Variants in UTY observed in about 807,000 individuals in gnomAD.
UTY encodes the protein ubiquitously transcribed tetratricopeptide repeat containing, Y-linked, also known as histone demethylase UTY.
In UTY, 12 loss-of-function variants were observed where a neutral mutation model predicts 32.5. That is an observed-to-expected ratio of 0.37 (90% CI 0.24 to 0.60). UTY has a LOEUF of 0.60. Ranked by LOEUF, UTY falls within the 20% of genes least tolerant of loss-of-function variation. UTY has a pLI of 0.69. For missense variants in UTY, 303 were observed against 299.2 expected (o/e 1.01, Z -0.09); for synonymous variants, 131 against 103.4 (o/e 1.27, Z -1.62).
chrY:13,327,533 C>A (rs2060335244), intron 18 of UTY, among the ~76,000 whole-genome samples: 1 of 33,175 alleles, frequency 3.0e-5, no homozygotes, highest in Non-Finnish European at 7.5e-5. Flanking sequence ...AGGTCTTATG[C>A]ATTTTTAAGT....
chrY:13,383,852 G>A, intron 8 of UTY, among the ~76,000 whole-genome samples: 3 of 32,796 alleles, frequency 9.1e-5, no homozygotes, highest in Non-Finnish European at 2.2e-4. Context: ...TGTAGCTATT[G>A]ATGCCAATGG....
At chrY:13,313,340 C>G in intron 21 of UTY, among the ~76,000 whole-genome samples, 1 of 33,562 alleles carries the variant, frequency 3.0e-5, no homozygotes, top group Non-Finnish European at 7.4e-5. Flanking sequence ...AAATTCTTAA[C>G]AGAATCTGTT....
intron 28 of UTY, among the ~76,000 whole-genome samples, chrY:13,238,553 C>T: frequency 3.0e-5 from 1 of 33,615 alleles, no homozygotes; most frequent in East Asian, 7.9e-4. Context: ...GACACACTAA[C>T]ACTGGTGCCA....
At chrY:13,463,276 T>C (rs996465776) in intron 3 of UTY, among the ~76,000 whole-genome samples, 1 of 32,998 alleles carries the variant, frequency 3.0e-5, no homozygotes, top group Non-Finnish European at 7.5e-5. Flanking sequence ...TGATGGGCAT[T>C]TGGGTTGGTT....
At chrY:13,344,263 T>A in intron 17 of UTY, among the ~76,000 whole-genome samples, 1 of 34,130 alleles carries the variant, frequency 2.9e-5, no homozygotes, top group Non-Finnish European at 7.3e-5. Context: ...ACCCAGTTCA[T>A]AAAGCAGTTT....
intron 3 of UTY, among the ~76,000 whole-genome samples, chrY:13,467,705 G>A: frequency 3.2e-5 from 1 of 31,291 alleles, no homozygotes; most frequent in South Asian, 7.4e-4. Flanking sequence ...GGTAGGCAGA[G>A]GTTGCAATGA....
At chrY:13,402,837 C>T in intron 6 of UTY, among the ~76,000 whole-genome samples, 1 of 33,621 alleles carries the variant, frequency 3.0e-5, no homozygotes, top group African/African-American at 1.2e-4. Context: ...AAATATGATA[C>T]TAATTTTAAA....
intron 27 of UTY, among the ~76,000 whole-genome samples, chrY:13,283,668 C>T: frequency 6.2e-5 from 2 of 32,485 alleles, no homozygotes; most frequent in African/African-American, 1.2e-4. Context: ...GACCAGTTTC[C>T]GTACATAGAC....
intron 27 of UTY, among the ~76,000 whole-genome samples, chrY:13,269,552 AAAAAC>A (rs768833349): frequency 0.027 from 649 of 24,378 alleles, no homozygotes; most frequent in East Asian, 0.05. Flanking sequence ...TGTGGGCATG[AAAAAC>A]AAAACAAAAC....
intron 17 of UTY, among the ~76,000 whole-genome samples, chrY:13,341,610 T>C (rs749249552): frequency 3.4e-3 from 111 of 32,990 alleles, no homozygotes; most frequent in Non-Finnish European, 6.6e-3. Flanking sequence ...TTAATTAGAC[T>C]GGCAGGAATC....
intron 17 of UTY, among the ~76,000 whole-genome samples, chrY:13,350,236 A>G (rs917672857): frequency 3.0e-5 from 1 of 33,815 alleles, no homozygotes; most frequent in Non-Finnish European, 7.3e-5. Flanking sequence ...AAGAGAGACT[A>G]GACAGAAATG....
intron 6 of UTY, among the ~76,000 whole-genome samples, chrY:13,401,690 A>G (rs2069050664): frequency 3.1e-5 from 1 of 32,440 alleles, no homozygotes; most frequent in Non-Finnish European, 7.5e-5. Context: ...AGCCTGACCA[A>G]TATGGTGAAG....
intron 21 of UTY, among the ~76,000 whole-genome samples, chrY:13,316,021 G>C (rs2059460225): frequency 3.0e-5 from 1 of 33,313 alleles, no homozygotes; most frequent in African/African-American, 1.2e-4. Flanking sequence ...CTGAGGCTGT[G>C]TTATGGGTGT....
At chrY:13,380,644 C>A in intron 8 of UTY, among the ~76,000 whole-genome samples, 1 of 32,641 alleles carries the variant, frequency 3.1e-5, no homozygotes, top group Non-Finnish European at 7.5e-5. Context: ...CACATTTATA[C>A]ATAGCATATC....
At chrY:13,296,225 T>C (rs2058023555) in intron 27 of UTY, among the ~76,000 whole-genome samples, 4 of 34,101 alleles carry the variant, frequency 1.2e-4, no homozygotes, top group Non-Finnish European at 2.2e-4. Context: ...TTCTCTGCAG[T>C]GGTGCAGGAT....
intron 25 of UTY, among the ~76,000 whole-genome samples, chrY:13,299,755 T>A: frequency 8.9e-5 from 3 of 33,715 alleles, no homozygotes; most frequent in African/African-American, 3.5e-4. Context: ...TATCCAAAGA[T>A]CAACTACTAT....
At chrY:13,261,074 C>T in intron 27 of UTY, among the ~76,000 whole-genome samples, 4 of 33,434 alleles carry the variant, frequency 1.2e-4, no homozygotes, top group Non-Finnish European at 7.4e-5. Flanking sequence ...AATTTGCTGT[C>T]ACTGCTCAAA....
chrY:13,282,349 T>C, intron 27 of UTY, among the ~76,000 whole-genome samples: 5 of 32,895 alleles, frequency 1.5e-4, no homozygotes, highest in Non-Finnish European at 3.8e-4. Context: ...TCAGTACTTA[T>C]TTAAAAAACA....
intron 8 of UTY, among the ~76,000 whole-genome samples, chrY:13,375,194 C>T: frequency 8.8e-5 from 3 of 33,979 alleles, no homozygotes; most frequent in African/African-American, 3.4e-4. Flanking sequence ...TTTGTTTAAA[C>T]GTAGTTTCAT....
Sources: gnomAD v4.1 joint callset for allele counts (sites outside exome capture counted in the v4.1 genomes callset) on GRCh38, gnomAD v4.1.1 for gene constraint, MANE v1.5 for transcripts, NCBI Gene and HGNC (gene_info 2026-07-23, HGNC 2026-07-21) for gene names.